RAB30: variants seen among roughly 807,000 people sequenced by gnomAD.
RAB30 encodes RAB30, member RAS oncogene family.
A neutral mutation model predicts 25.1 loss-of-function variants in RAB30; 9 were observed. That is an observed-to-expected ratio of 0.36 (90% confidence interval 0.22 to 0.63). The LOEUF (loss-of-function observed/expected upper bound fraction) is 0.63. Among genes scored for constraint, RAB30 ranks in the 20% least tolerant of loss-of-function variants. The pLI is 0.69. For synonymous variants in RAB30, 77 were observed against 86.4 expected (o/e 0.89, Z 0.60); for missense variants, 140 against 243.5 (o/e 0.58, Z 2.83).
chr11:83,067,120 C>T (rs190447281), intron 1 of RAB30, among the ~76,000 whole-genome samples: 1 of 152,232 alleles, frequency 6.6e-6, no homozygotes, highest in African/African-American at 2.4e-5. Flanking sequence ...TCACCCCTAC[C>T]CCCTAGCCTA....
chr11:83,038,039 T>C (rs905299135), intron 1 of RAB30, among the ~76,000 whole-genome samples: 2 of 152,022 alleles, frequency 1.3e-5, no homozygotes, highest in Non-Finnish European at 2.9e-5. Flanking sequence ...TCTCTGTCAT[T>C]GGAAGGGTTA....
At position 82,987,750 on chromosome 11, in the gene RAB30, T is replaced by G; in HGVS notation, c.198A>C (p.Ala66=). Residue 66 remains alanine, a synonymous_variant, in exon 4 of 5, where the codon GCA becomes GCC. Coordinates refer to ENST00000527633, the MANE Select transcript of RAB30 (RefSeq NM_001286060.2). ...TAATGGACCGAAATCTCTCTTGACC[T>G]GCTGTGTCCCAGATCTGTAGCTGTA... ...EKVKLQIWDT[A]GQERFRSITQ... 1 of 1,609,316 alleles carries G rather than the reference T, an allele frequency of 6.2e-7. No homozygotes were observed.
intron 1 of RAB30, among the ~76,000 whole-genome samples, chr11:83,053,104 G>A (rs1858389410): frequency 1.3e-5 from 2 of 152,172 alleles, no homozygotes; most frequent in Admixed American, 6.5e-5. Flanking sequence ...ATAGATGGAA[G>A]GGAGGCGTCT....
Position 82,982,404 on chromosome 11 carries a change from C to A in RAB30, c.373G>T (p.Asp125Tyr). The part of the protein sequence containing the change: ...VITVLVGNKI[D>Y]LAERREVSQQ... ...GAAACCTCTCTCCTTTCAGCCAGGT[C>A]AATCTTGTTGCCTATAACAGTAGTA... The change falls in exon 5 of 5, where the codon GAC becomes TAC. Residue 125 changes from aspartate (D) to tyrosine (Y), a missense_variant. Coordinates refer to ENST00000527633, the MANE Select transcript of RAB30 (RefSeq NM_001286060.2). 1.2e-6 allele frequency: 2 copies of A among 1,613,504 alleles called. No individual in the cohort carries two copies. Among genetic ancestry groups the A allele is most frequent in the South Asian group, 2.2e-5 (2 of 91,022 alleles).
At chr11:83,031,969 A>T (rs1257737316) in intron 1 of RAB30, among the ~76,000 whole-genome samples, 2 of 152,226 alleles carry the variant, frequency 1.3e-5, no homozygotes, top group African/African-American at 4.8e-5. Flanking sequence ...GGTGACGTTC[A>T]CTTCATCCTA....
chr11:83,046,318 T>A (rs953173752), intron 1 of RAB30, among the ~76,000 whole-genome samples: 1 of 152,092 alleles, frequency 6.6e-6, no homozygotes, highest in African/African-American at 2.4e-5. Context: ...GCCTGACCTC[T>A]AGGGATCCTT....
intron 1 of RAB30, among the ~76,000 whole-genome samples, chr11:83,065,142 C>G (rs1035702992): frequency 4.6e-5 from 7 of 151,858 alleles, no homozygotes; most frequent in African/African-American, 1.7e-4. Flanking sequence ...GTGGCTCACA[C>G]TTTGGGAGGC....
At chr11:83,030,508 CT>C (rs1857831301) in intron 1 of RAB30, among the ~76,000 whole-genome samples, 1 of 151,558 alleles carries the variant, frequency 6.6e-6, no homozygotes, top group Non-Finnish European at 1.5e-5. Flanking sequence ...AAAAAAAAGT[CT>C]TTTTTTGGCT....
At chr11:83,017,385 ATTTCT>A (rs947875480) in intron 1 of RAB30, among the ~76,000 whole-genome samples, 4 of 152,070 alleles carry the variant, frequency 2.6e-5, no homozygotes, top group Middle Eastern at 3.2e-3. Context: ...TCTTTTTTAA[ATTTCT>A]TTTATTTAAA....
rs191194307 is a variant in RAB30 at position 83,000,127 on chromosome 11, C to T, written c.-8-2803G>A. On this transcript the variant is annotated intron_variant, in intron 1 of 4. Coordinates refer to ENST00000527633, the MANE Select transcript of RAB30 (RefSeq NM_001286060.2). The stretch of plus-strand genomic sequence containing the variant: ...TTTGGTAGAGGGGGCTGCTGAGACA[C>T]AAGAGAAGTTAAAAAAGCAGTCGTA... Among the ~76,000 whole-genome samples the T allele has an allele frequency of 3.9e-5, 6 of 152,226 alleles. No individual in the cohort carries two copies. The East Asian group carries it at 1.2e-3, about 29-fold the overall frequency.
chr11:82,994,208 C>G, intron 2 of RAB30, 86 bp from the exon 3 acceptor site: 1 of 1,152,908 alleles, frequency 8.7e-7, no homozygotes, highest in Non-Finnish European at 1.3e-6. Flanking sequence ...ACACCCATCA[C>G]CGGAGTCCTT....
chr11:83,015,185 A>G (rs10431152), intron 1 of RAB30, among the ~76,000 whole-genome samples: 11,411 of 152,180 alleles, frequency 0.075, 733 homozygotes, highest in East Asian at 0.33. Context: ...TCTATAATGG[A>G]GGGTATGATG....
chr11:83,029,237 TGTG>T (rs1386179515), intron 1 of RAB30, among the ~76,000 whole-genome samples: 1 of 152,238 alleles, frequency 6.6e-6, no homozygotes, highest in African/African-American at 2.4e-5. Context: ...TCTTTTGTGT[TGTG>T]TTCAAATATT....
chr11:83,014,610 A>AGAGAGAGG (rs1428780680), intron 1 of RAB30, among the ~76,000 whole-genome samples: 1 of 149,344 alleles, frequency 6.7e-6, no homozygotes, highest in African/African-American at 2.5e-5. Context: ...AGGCAGAGAG[A>AGAGAGAGG]GACAAAGAAA....
Position 83,012,896 on chromosome 11 carries a change from C to T in RAB30, c.-8-15572G>A, listed in dbSNP as rs185414507. On this transcript the variant is annotated intron_variant, in intron 1 of 4. Coordinates refer to ENST00000527633, the MANE Select transcript of RAB30 (RefSeq NM_001286060.2). ...TTGCCAAGTTCCCAGAGCATGGGCCCCTAGACAGGTTCATCCCTTCACACC... is the reference window on the plus strand; with the variant it reads ...TTGCCAAGTTCCCAGAGCATGGGCCTCTAGACAGGTTCATCCCTTCACACC... Among the ~76,000 whole-genome samples the T allele has an allele frequency of 3.9e-5, 6 of 152,200 alleles. No homozygotes were observed. The East Asian group carries it at 1.2e-3, about 29-fold the overall frequency.
chr11:83,012,100 C>T (rs181948456), intron 1 of RAB30, among the ~76,000 whole-genome samples: 1 of 152,224 alleles, frequency 6.6e-6, no homozygotes, highest in African/African-American at 2.4e-5. Context: ...GATGATTCAT[C>T]TATTATATGC....
At chr11:83,022,787 G>A (rs189704592) in intron 1 of RAB30, among the ~76,000 whole-genome samples, 2 of 152,072 alleles carry the variant, frequency 1.3e-5, no homozygotes, top group Admixed American at 1.3e-4. Flanking sequence ...TCACAACTGG[G>A]GAAATATGAA....
chr11:82,993,736 C>T (rs185222777), intron 3 of RAB30, among the ~76,000 whole-genome samples: 2 of 152,296 alleles, frequency 1.3e-5, no homozygotes, highest in East Asian at 3.9e-4. Flanking sequence ...TGCTTATTGG[C>T]CCAGCTCAAG....
intron 3 of RAB30, among the ~76,000 whole-genome samples, chr11:82,991,087 C>A (rs1565268836): frequency 1.3e-5 from 2 of 152,120 alleles, no homozygotes; most frequent in Non-Finnish European, 2.9e-5. Flanking sequence ...GCGGGTGATG[C>A]CATACGAATC....
Sources: gnomAD v4.1 joint callset for allele counts (sites outside exome capture counted in the v4.1 genomes callset) on GRCh38, gnomAD v4.1.1 for gene constraint, MANE v1.5 for transcripts, NCBI Gene and HGNC (gene_info 2026-07-23, HGNC 2026-07-21) for gene names.